VPS13B: variants seen among roughly 807,000 people sequenced by gnomAD.
VPS13B encodes intermembrane lipid transfer protein VPS13B.
Under a neutral mutation model 426.4 loss-of-function variants are expected in VPS13B, and 285 were observed. That is an observed-to-expected ratio of 0.67 (90% CI 0.61 to 0.74). VPS13B has a LOEUF of 0.74. Among genes scored for constraint, VPS13B ranks in the 30% least tolerant of loss-of-function variants. The pLI is 0.00. For missense variants in VPS13B, 4,537 were observed against 4,782.6 expected (o/e 0.95, Z 1.51); for synonymous variants, 1,676 against 1,676.4 (o/e 1.00, Z 0.01).
At chr8:99,366,339 T>A (rs1184101161) in intron 19 of VPS13B, among the ~76,000 whole-genome samples, 1 of 152,118 alleles carries the variant, frequency 6.6e-6, no homozygotes, top group Non-Finnish European at 1.5e-5. Context: ...CATTATATAA[T>A]GACCTCCTTT....
intron 17 of VPS13B, among the ~76,000 whole-genome samples, chr8:99,255,141 G>A (rs915390800): frequency 6.6e-6 from 1 of 150,936 alleles, no homozygotes; most frequent in East Asian, 1.9e-4. Context: ...CTCCATTCTG[G>A]TATGGAACCC....
At chr8:99,129,215 C>T (rs549868311) in intron 8 of VPS13B, among the ~76,000 whole-genome samples, 59 of 151,690 alleles carry the variant, frequency 3.9e-4, no homozygotes, top group African/African-American at 1.4e-3. Flanking sequence ...GATTGAAATT[C>T]ACTGATTTAG....
At position 99,730,629 on chromosome 8, in the gene VPS13B, G is replaced by C. The variant is rs145427209; in HGVS notation, c.7050+9582G>C. 6.2e-3 allele frequency among the ~76,000 whole-genome samples: 947 copies of C among 152,012 alleles called. 8 individuals are homozygous for C. The highest frequency in any genetic ancestry group is 0.021 in the African/African-American group (889 of 41,446). On this transcript the variant is annotated intron_variant, in intron 39 of 61. Coordinates refer to ENST00000357162, the MANE Select transcript of VPS13B (RefSeq NM_152564.5). ...GACCTGGGCTAAATGCTGAGAGAGAGACACAAAAGTGGAGAGGGCTCTAGC... is the reference window on the plus strand; with the variant it reads ...GACCTGGGCTAAATGCTGAGAGAGACACACAAAAGTGGAGAGGGCTCTAGC...
chr8:99,265,908 CGGCCTATTT>C (rs1244219767), intron 17 of VPS13B, among the ~76,000 whole-genome samples: 1 of 152,132 alleles, frequency 6.6e-6, no homozygotes, highest in East Asian at 1.9e-4. Flanking sequence ...TGTTTGAGAG[CGGCCTATTT>C]GGCTCTTGTC....
At chr8:99,341,612 A>T (rs1458911731) in intron 19 of VPS13B, 1 of 195,114 alleles carries the variant, frequency 5.1e-6, no homozygotes, top group Admixed American at 5.2e-5. Context: ...TTGCCAATTC[A>T]TGCTGTCATC....
At chr8:99,688,073 G>C (rs1831493269) in intron 35 of VPS13B, among the ~76,000 whole-genome samples, 2 of 151,310 alleles carry the variant, frequency 1.3e-5, no homozygotes, top group Non-Finnish European at 2.9e-5. Flanking sequence ...GGGGGAAGTG[G>C]GCTCTGCAAA....
chr8:99,044,078 T>G (rs1212501928), intron 3 of VPS13B, among the ~76,000 whole-genome samples: 1 of 106,200 alleles, frequency 9.4e-6, no homozygotes, highest in Non-Finnish European at 2.1e-5. Context: ...TTTTTTTTCT[T>G]TCTTTCTTTT....
intron 17 of VPS13B, among the ~76,000 whole-genome samples, chr8:99,267,182 G>C (rs1818351633): frequency 6.6e-6 from 1 of 152,162 alleles, no homozygotes; most frequent in Admixed American, 6.5e-5. Flanking sequence ...CAGTGATATG[G>C]ACAATGAAGT....
At chr8:99,365,716 C>T (rs1379743737) in intron 19 of VPS13B, among the ~76,000 whole-genome samples, 1 of 151,730 alleles carries the variant, frequency 6.6e-6, no homozygotes, top group Non-Finnish European at 1.5e-5. Context: ...GGGGTTTCAC[C>T]ATATTGGCCA....
At chr8:99,310,617 G>A (rs947304314) in intron 19 of VPS13B, among the ~76,000 whole-genome samples, 2 of 152,146 alleles carry the variant, frequency 1.3e-5, no homozygotes, top group South Asian at 2.1e-4. Context: ...TTTTGCATCA[G>A]TGTTCATCAG....
chr8:99,341,137 A>G, intron 19 of VPS13B: 1 of 271,362 alleles, frequency 3.7e-6, no homozygotes. Flanking sequence ...GCTGGGAATT[A>G]TTATAATGCA....
intron 8 of VPS13B, among the ~76,000 whole-genome samples, chr8:99,124,634 C>T (rs1848104122): frequency 6.6e-6 from 1 of 151,926 alleles, no homozygotes; most frequent in Admixed American, 6.6e-5. Context: ...TGCGTATAAT[C>T]CCAGCACTTT....
intron 12 of VPS13B, among the ~76,000 whole-genome samples, chr8:99,138,921 A>G (rs921637801): frequency 6.6e-6 from 1 of 152,184 alleles, no homozygotes; most frequent in Admixed American, 6.5e-5. Context: ...ATTTGTATAT[A>G]TGCCTCTCCT....
At chr8:99,232,419 G>A (rs540653739) in intron 17 of VPS13B, among the ~76,000 whole-genome samples, 37 of 152,096 alleles carry the variant, frequency 2.4e-4, no homozygotes, top group African/African-American at 8.7e-4. Context: ...TTCCCTCTGG[G>A]TGAATTTTGT....
At chr8:99,021,342 G>T (rs1033115801) in intron 2 of VPS13B, among the ~76,000 whole-genome samples, 1 of 152,148 alleles carries the variant, frequency 6.6e-6, no homozygotes, top group African/African-American at 2.4e-5. Context: ...TCTCACTGTG[G>T]CTGGGCACGG....
intron 19 of VPS13B, among the ~76,000 whole-genome samples, chr8:99,312,042 C>A (rs1174966481): frequency 2.6e-5 from 4 of 152,112 alleles, no homozygotes; most frequent in African/African-American, 4.8e-5. Flanking sequence ...TTCCTCCATC[C>A]CTTTATTTTG....
chr8:99,117,139 G>T (rs528827058), intron 7 of VPS13B, among the ~76,000 whole-genome samples: 1 of 152,052 alleles, frequency 6.6e-6, no homozygotes, highest in African/African-American at 2.4e-5. Context: ...TAAGAGAAGG[G>T]CATTTAAAAC....
intron 2 of VPS13B, among the ~76,000 whole-genome samples, chr8:99,036,764 T>C (rs566155119): frequency 6.6e-6 from 1 of 152,244 alleles, no homozygotes; most frequent in South Asian, 2.1e-4. Flanking sequence ...AAATATATCA[T>C]TGTTACACAA....
intron 57 of VPS13B, among the ~76,000 whole-genome samples, 169 bp downstream of exon 57, chr8:99,859,649 T>G (rs1396192588): frequency 1.3e-5 from 2 of 152,220 alleles, no homozygotes; most frequent in Non-Finnish European, 2.9e-5. Context: ...TAATGTCTTA[T>G]GTTTTGAACA....
Sources: allele counts gnomAD v4.1 joint callset (sites outside exome capture counted in the v4.1 genomes callset), GRCh38; gene constraint gnomAD v4.1.1; transcripts MANE v1.5; gene names NCBI Gene and HGNC (gene_info 2026-07-23, HGNC 2026-07-21).